MTFR1: variants seen among roughly 807,000 people sequenced by gnomAD.
MTFR1 encodes chondrocyte protein with a poly-proline region.
In MTFR1, 28 loss-of-function variants were observed where a neutral mutation model predicts 38.8. The observed-to-expected ratio is 0.72, with a 90% CI of 0.53 to 0.99. The LOEUF (loss-of-function observed/expected upper bound fraction) is 0.99. Among genes scored for constraint, MTFR1 ranks in the 50% least tolerant of loss-of-function variants. The probability of loss-of-function intolerance (pLI) is 0.00; values close to 1 mark genes in which losing one functional copy is unlikely to be tolerated. For missense variants in MTFR1, 358 were observed against 395.5 expected (o/e 0.91, Z 0.81); for synonymous variants, 145 against 137.0 (o/e 1.06, Z -0.41).
At chr8:65,758,738 C>G (rs1480305610) in intron 3 of MTFR1, among the ~76,000 whole-genome samples, 1 of 152,216 alleles carries the variant, frequency 6.6e-6, no homozygotes, top group African/African-American at 2.4e-5. Context: ...TGTCTGACAA[C>G]TGTTGGCCAC....
chr8:65,746,097 A>AT (rs374802114), intron 3 of MTFR1, among the ~76,000 whole-genome samples: 20,443 of 141,244 alleles, frequency 0.14, 1,867 homozygotes, highest in Middle Eastern at 0.22. Context: ...TACCTGGCTA[A>AT]TTTTTTTTTT....
chr8:65,721,933 C>T (rs1182892378), intron 3 of MTFR1: 1 of 151,804 alleles, frequency 6.6e-6, no homozygotes, highest in African/African-American at 2.4e-5. Context: ...CTCAGCCTCC[C>T]AAGTGGCCAT....
At chr8:65,705,060 G>A (rs533612839) in intron 5 of MTFR1, 131 bp downstream of exon 5, 90 of 779,906 alleles carry the variant, frequency 1.2e-4, no homozygotes, top group East Asian at 2.9e-4. Context: ...GTACGGTGGC[G>A]CATGCCTGTA....
intron 1 of MTFR1, among the ~76,000 whole-genome samples, chr8:65,654,852 C>T (rs1383703013): frequency 6.6e-6 from 1 of 152,134 alleles, no homozygotes; most frequent in Non-Finnish European, 1.5e-5. Flanking sequence ...GCTGAGATTC[C>T]AGGTGTGAGC....
Position 65,707,083 on chromosome 8 carries a change from T to G in MTFR1, c.591T>G (p.Pro197=). 1 of 1,346,520 alleles carries G rather than the reference T, an allele frequency of 7.4e-7. No individual in the cohort carries two copies. Among genetic ancestry groups the G allele is most frequent in the Non-Finnish European group, 1.0e-6 (1 of 982,898 alleles). 83.4% of individuals were successfully genotyped at this position (1,346,520 alleles called of 1,614,324 possible). The part of the protein sequence containing the change: ...PPPPPPPLPP[P]ALGLHQSTSA... ...CTCCCCCACCGCCCCTGCCTCCCCC[T>G]GCACTGGGGCTCCACCAAAGTACAT... Residue 197 remains proline (P), a synonymous_variant, in exon 6 of 8, where the codon CCT becomes CCG. Transcript: ENST00000262146.
At chr8:65,719,628 T>G in intron 3 of MTFR1, 1 of 648,870 alleles carries the variant, frequency 1.5e-6, no homozygotes, top group African/African-American at 1.8e-5. Flanking sequence ...AAGATTCCTG[T>G]GTATGTGTAG....
chr8:65,655,941 T>TA (rs796493246), intron 1 of MTFR1, among the ~76,000 whole-genome samples: 34 of 77,630 alleles, frequency 4.4e-4, no homozygotes, highest in East Asian at 1.1e-3. Context: ...GACTCTGTCT[T>TA]AAAAAAAAAA....
At chr8:65,748,594 A>G (rs1807793582) in intron 3 of MTFR1, among the ~76,000 whole-genome samples, 2 of 152,216 alleles carry the variant, frequency 1.3e-5, no homozygotes, top group Non-Finnish European at 2.9e-5. Flanking sequence ...AACCAAATTC[A>G]GTAAAATGTT....
At chr8:65,681,133 C>T (rs1323401105) in intron 2 of MTFR1, among the ~76,000 whole-genome samples, 4 of 151,508 alleles carry the variant, frequency 2.6e-5, no homozygotes, top group Non-Finnish European at 5.9e-5. Context: ...AGGATGGTCT[C>T]GATCTCCTGA....
At chr8:65,678,509 G>A (rs1169777130) in intron 2 of MTFR1, among the ~76,000 whole-genome samples, 2 of 152,150 alleles carry the variant, frequency 1.3e-5, no homozygotes, top group Admixed American at 6.6e-5. Context: ...TTAGTCTACT[G>A]TGTATGCTTG....
chr8:65,687,347 CTTTT>C (rs71247404), intron 3 of MTFR1, among the ~76,000 whole-genome samples: 5 of 115,342 alleles, frequency 4.3e-5, no homozygotes. Context: ...TTAAAGAATA[CTTTT>C]TTTTTTTTTT....
intron 3 of MTFR1, among the ~76,000 whole-genome samples, chr8:65,747,236 C>A (rs1352823890): frequency 6.6e-6 from 1 of 152,150 alleles, no homozygotes; most frequent in Non-Finnish European, 1.5e-5. Context: ...ACTTTCTGTG[C>A]TGGGTTTACC....
At chr8:65,717,092 C>T (rs1055164946) in intron 2 of MTFR1, among the ~76,000 whole-genome samples, 10 of 150,350 alleles carry the variant, frequency 6.7e-5, no homozygotes, top group South Asian at 2.1e-4. Flanking sequence ...ATATTTTGGA[C>T]GTATTGGAAT....
intron 3 of MTFR1, among the ~76,000 whole-genome samples, chr8:65,763,110 T>C (rs1233218817): frequency 6.6e-6 from 1 of 151,978 alleles, no homozygotes; most frequent in Non-Finnish European, 1.5e-5. Context: ...ATCTAAAAAT[T>C]AGATTAATGT....
downstream of MTFR1, among the ~76,000 whole-genome samples, chr8:65,711,068 T>C (rs182747980): frequency 5.3e-5 from 8 of 152,302 alleles, no homozygotes; most frequent in African/African-American, 1.4e-4. Flanking sequence ...CTTGGAGCTT[T>C]ACATGATCCC....
chr8:65,715,996 C>CAAAAAAA (rs779701295), intron 2 of MTFR1, among the ~76,000 whole-genome samples: 7 of 33,860 alleles, frequency 2.1e-4, no homozygotes, highest in Admixed American at 1.5e-3. Flanking sequence ...GGCTCTGTCT[C>CAAAAAAA]AAAAAAAAAA....
chr8:65,768,066 G>T (rs1332543165), intron 3 of MTFR1, among the ~76,000 whole-genome samples: 4 of 152,144 alleles, frequency 2.6e-5, no homozygotes, highest in Non-Finnish European at 5.9e-5. Context: ...AGGACACCCA[G>T]TTGGTGTCCA....
intron 3 of MTFR1, among the ~76,000 whole-genome samples, chr8:65,731,262 C>T (rs1806874406): frequency 6.6e-6 from 1 of 152,134 alleles, no homozygotes. Context: ...GCAAGAAAGG[C>T]AACTCAACCA....
intron 3 of MTFR1, among the ~76,000 whole-genome samples, chr8:65,762,358 TG>T (rs1303254983): frequency 6.6e-6 from 1 of 152,150 alleles, no homozygotes; most frequent in Non-Finnish European, 1.5e-5. Flanking sequence ...CATGCATGAA[TG>T]AATAGGGGAA....
Sources: gnomAD v4.1 joint callset for allele counts (sites outside exome capture counted in the v4.1 genomes callset) on GRCh38, gnomAD v4.1.1 for gene constraint, MANE v1.5 for transcripts, NCBI Gene and HGNC (gene_info 2026-07-23, HGNC 2026-07-21) for gene names.